The following FMN2 variants were observed in gnomAD, a reference collection of about 807,000 sequenced individuals.
The protein encoded by FMN2 is formin-2.
FMN2 carries 51 observed loss-of-function variants against 142.3 expected under a neutral mutation model. The observed-to-expected ratio is 0.36, with a 90% CI of 0.29 to 0.45. The LOEUF is 0.45. Ranked by LOEUF, FMN2 falls within the 20% of genes least tolerant of loss-of-function variation. The probability of loss-of-function intolerance (pLI) is 1.00; values close to 1 mark genes in which losing one functional copy is unlikely to be tolerated. For missense variants in FMN2, 1,936 were observed against 2,122.8 expected (o/e 0.91, Z 1.73); for synonymous variants, 882 against 869.8 (o/e 1.01, Z -0.25).
intron 7 of FMN2, among the ~76,000 whole-genome samples, chr1:240,280,117 T>A (rs2045348): frequency 0.071 from 10,699 of 150,728 alleles, 446 homozygotes; most frequent in Admixed American, 0.12. Flanking sequence ...TTCTTTTTTT[T>A]ATGAATTTTT....
Position 240,151,494 on chromosome 1 carries a change from CCT to C in FMN2, c.1783-26425_1783-26424del, listed in dbSNP as rs534921113. On this transcript the variant is annotated intron_variant, in intron 2 of 17. Transcript: ENST00000319653. Reference sequence around the variant, plus strand: ...GCTTTCCTGGGGCGAATTGTTCAAACCTCACCTTCAGCTAACACCTTTGAGAA... The same window carrying C: ...GCTTTCCTGGGGCGAATTGTTCAAACCACCTTCAGCTAACACCTTTGAGAA... 1.1e-4 allele frequency among the ~76,000 whole-genome samples: 17 copies of C among 152,186 alleles called. No individual in the cohort carries two copies. The South Asian group carries it at 3.5e-3, about 32-fold the overall frequency.
At chr1:240,443,796 G>A (rs1675710181) in intron 16 of FMN2, among the ~76,000 whole-genome samples, 1 of 151,996 alleles carries the variant, frequency 6.6e-6, no homozygotes, top group South Asian at 2.1e-4. Context: ...TTCACCAGAA[G>A]ATGGGAAGGG....
chr1:240,467,725 A>G (rs1180860756), intron 16 of FMN2, among the ~76,000 whole-genome samples: 1 of 152,200 alleles, frequency 6.6e-6, no homozygotes, highest in Non-Finnish European at 1.5e-5. Context: ...GCTAGAAGGA[A>G]AGTTTGCTTC....
chr1:240,460,495 G>A lies in FMN2; in HGVS notation c.5061-11877G>A, dbSNP rs573348388. Among the ~76,000 whole-genome samples, 9 of 152,118 alleles carry A rather than the reference G, an allele frequency of 5.9e-5. No individual in the cohort carries two copies. In the South Asian group the frequency reaches 1.7e-3, roughly 28 times the overall value. ...TAATCCCAGCTCCTTGGGAGGCTAA[G>A]GTACAAGAATCGCTTAAACCCCAGT... On this transcript the variant is annotated intron_variant, in intron 16 of 17. Transcript: ENST00000319653.
intron 2 of FMN2, among the ~76,000 whole-genome samples, chr1:240,164,226 G>T (rs1664390797): frequency 6.6e-6 from 1 of 151,912 alleles, no homozygotes; most frequent in African/African-American, 2.4e-5. Context: ...ATACATTTTT[G>T]CCTTTTTTGT....
intron 7 of FMN2, among the ~76,000 whole-genome samples, chr1:240,294,078 T>C (rs1484042909): frequency 1.3e-5 from 2 of 152,188 alleles, no homozygotes; most frequent in Non-Finnish European, 2.9e-5. Context: ...ATTCACCTTG[T>C]TTCTACCAAA....
rs1241874596 is a variant in FMN2 at position 240,465,384 on chromosome 1, G to GTGTGTGTGTC, written c.5061-6985_5061-6984insGTGTGTCTGT. Among the ~76,000 whole-genome samples, 76 of 129,020 alleles carry GTGTGTGTGTC rather than the reference G, an allele frequency of 5.9e-4. 2 individuals carry two copies. Among genetic ancestry groups the GTGTGTGTGTC allele is most frequent in the African/African-American group, 1.9e-3 (67 of 36,022 alleles). The allele number at this position is 129,020 out of a possible 152,430, so 84.6% of individuals were successfully genotyped here. A position where few individuals can be genotyped will look rare whatever the true frequency, so the allele number is the denominator to read the frequency against. The stretch of plus-strand genomic sequence containing the variant: ...TGTGTGTGTGTGTGTGTGTGTGTGT[G>GTGTGTGTGTC]TGTCTGTCTTTCTCTTTTTTCTCTC... On this transcript the variant is annotated intron_variant, in intron 16 of 17. Transcript: ENST00000319653.
At chr1:240,387,590 A>G (rs1673447911) in intron 14 of FMN2, among the ~76,000 whole-genome samples, 1 of 152,256 alleles carries the variant, frequency 6.6e-6, no homozygotes, top group South Asian at 2.1e-4. Context: ...AATAAAATCT[A>G]TTAAATATAT....
At chr1:240,390,369 G>A (rs1673564816) in intron 14 of FMN2, among the ~76,000 whole-genome samples, 1 of 152,158 alleles carries the variant, frequency 6.6e-6, no homozygotes, top group African/African-American at 2.4e-5. Flanking sequence ...ATAAGAATCA[G>A]TCTTCTGCCA....
chr1:240,137,466 T>C (rs1222581128), intron 2 of FMN2, among the ~76,000 whole-genome samples: 1 of 152,192 alleles, frequency 6.6e-6, no homozygotes, highest in Non-Finnish European at 1.5e-5. Flanking sequence ...CACCTGGCCA[T>C]ATTTGGCTGG....
chr1:240,291,952 C>G (rs184371589), intron 7 of FMN2, among the ~76,000 whole-genome samples: 2 of 151,846 alleles, frequency 1.3e-5, no homozygotes, highest in African/African-American at 2.4e-5. Context: ...CCACAAAAAC[C>G]CCAAACCAAA....
At chr1:240,240,939 TTG>T (rs1346711210) in intron 6 of FMN2, among the ~76,000 whole-genome samples, 2 of 152,320 alleles carry the variant, frequency 1.3e-5, no homozygotes, top group East Asian at 3.9e-4. Context: ...GAATAAAAGA[TTG>T]TAATGTTATT....
rs538379209 is a variant in FMN2, at chr1:240,104,660, T to C, written c.1615+10936T>C. ...GAGTTGCAGACCTCATTCTGTTTCT[T>C]AAAAAGAACAAAACAAAACTCAACC... is the stretch of plus-strand genomic sequence containing the variant. On this transcript the variant is annotated intron_variant, in intron 1 of 17. Coordinates refer to ENST00000319653, the MANE Select transcript of FMN2 (RefSeq NM_020066.5). Among the ~76,000 whole-genome samples, 7 of 152,320 alleles carry C rather than the reference T, an allele frequency of 4.6e-5. No individual in the cohort carries two copies. The South Asian group carries it at 1.5e-3, about 32-fold the overall frequency.
In FMN2 at chr1:240,329,433, C is replaced by T. The variant is rs748812254; in HGVS notation, c.4402C>T (p.Arg1468Cys). The T allele has an allele frequency of 9.9e-6, 16 of 1,614,026 alleles. No individual in the cohort carries two copies. Among genetic ancestry groups the T allele is most frequent in the Non-Finnish European group, 1.3e-5 (15 of 1,179,960 alleles). ...ATTTTCAGAAAGCATTTGCTCAATT[C>T]GTCGCAAACTGGAATTACTACAGAA... is the stretch of plus-strand genomic sequence containing the variant. The part of the protein sequence containing the change: ...STFSESICSI[R>C]RKLELLQKLC... The change falls in exon 10 of 18, where the codon CGT becomes TGT. Residue 1468 changes from arginine (R) to cysteine (C), a missense_variant. Physicochemically the swap from Arg to Cys is radical, Grantham distance 180. Coordinates refer to ENST00000319653, the MANE Select transcript of FMN2 (RefSeq NM_020066.5).
chr1:240,241,825 C>CTTTTTTTTTTTTTTTTT lies in FMN2; in HGVS notation c.4066-16107_4066-16091dup, dbSNP rs71567282. ...ATTTTCTTTATTTTAGTGTGCCTTG[C>CTTTTTTTTTTTTTTTTT]TTTTTTTTTTTTTTTTTTTTTTTTT... On this transcript the variant is annotated intron_variant, in intron 6 of 17. Transcript: ENST00000319653. Among the ~76,000 whole-genome samples the CTTTTTTTTTTTTTTTTT allele has an allele frequency of 1.9e-4, 18 of 96,222 alleles. 2 individuals carry two copies. The highest frequency in any genetic ancestry group is 6.5e-4 in the African/African-American group (17 of 26,318). 63.1% of individuals were successfully genotyped at this position (96,222 alleles called of 152,430 possible).
intron 2 of FMN2, among the ~76,000 whole-genome samples, chr1:240,124,754 A>G (rs1283386131): frequency 6.6e-6 from 1 of 151,560 alleles, no homozygotes; most frequent in Non-Finnish European, 1.5e-5. Context: ...TGCAACCTCC[A>G]CCTCCCGAGT....
At chr1:240,298,308 G>A (rs10802859) in intron 8 of FMN2, among the ~76,000 whole-genome samples, 30,625 of 152,074 alleles carry the variant, frequency 0.2, 3,378 homozygotes, top group Admixed American at 0.33. Context: ...GTCATTGTGC[G>A]TATTTTATAT....
intron 16 of FMN2, among the ~76,000 whole-genome samples, chr1:240,448,878 C>T (rs1382622439): frequency 6.6e-6 from 1 of 152,038 alleles, no homozygotes; most frequent in Non-Finnish European, 1.5e-5. Context: ...TAGGGTGGCT[C>T]ACACCTGTAA....
At chr1:240,196,474 T>G (rs1320800580) in intron 4 of FMN2, among the ~76,000 whole-genome samples, 1 of 152,102 alleles carries the variant, frequency 6.6e-6, no homozygotes, top group African/African-American at 2.4e-5. Context: ...CTGGAAACTG[T>G]GGAGGTGGGG....
Sources: gnomAD v4.1 joint callset for allele counts (sites outside exome capture counted in the v4.1 genomes callset) on GRCh38, gnomAD v4.1.1 for gene constraint, MANE v1.5 for transcripts, NCBI Gene and HGNC (gene_info 2026-07-23, HGNC 2026-07-21) for gene names.